Variants in KCNQ3 observed in about 807,000 individuals in gnomAD.
KCNQ3 encodes potassium voltage-gated channel subfamily Q member 3.
KCNQ3 carries 30 observed loss-of-function variants against 92.5 expected under a neutral mutation model. The ratio of observed to expected loss-of-function variants is 0.32; its 90% CI spans 0.24 to 0.44. The LOEUF is 0.44. Ranked by LOEUF, KCNQ3 falls within the 20% of genes least tolerant of loss-of-function variation. The probability of loss-of-function intolerance (pLI) is 1.00; values close to 1 mark genes in which losing one functional copy is unlikely to be tolerated. For synonymous variants in KCNQ3, 450 were observed against 468.8 expected, an observed-to-expected ratio of 0.96 and a Z score of 0.52; for missense variants, 913 against 1,140.3, an observed-to-expected ratio of 0.80 and a Z score of 2.87.
chr8:132,136,118 C>CAAAAA (rs67331428), intron 12 of KCNQ3, among the ~76,000 whole-genome samples: 424 of 39,826 alleles, frequency 0.011, no homozygotes, highest in Non-Finnish European at 0.012. Context: ...GACTCCATCT[C>CAAAAA]AAAAAAAAAA....
At chr8:132,451,671 G>T (rs1175566095) in intron 1 of KCNQ3, among the ~76,000 whole-genome samples, 6 of 152,218 alleles carry the variant, frequency 3.9e-5, no homozygotes, top group Non-Finnish European at 8.8e-5. Context: ...ATTCACACAG[G>T]ACTCCAACGC....
At chr8:132,184,502 GGA>G in intron 2 of KCNQ3, 135 bp from the exon 3 acceptor site, 15 of 917,044 alleles carry the variant, frequency 1.6e-5, no homozygotes, top group East Asian at 2.9e-5. Flanking sequence ...GGATGGCTGG[GGA>G]TGGGGGTGGG....
At chr8:132,344,684 T>G (rs183154734) in intron 1 of KCNQ3, among the ~76,000 whole-genome samples, 1 of 152,164 alleles carries the variant, frequency 6.6e-6, no homozygotes, top group East Asian at 1.9e-4. Flanking sequence ...TTTATATTCC[T>G]GGGAGAGATC....
chr8:132,194,603 T>G (rs1827253138), intron 1 of KCNQ3, among the ~76,000 whole-genome samples: 1 of 152,240 alleles, frequency 6.6e-6, no homozygotes, highest in East Asian at 1.9e-4. Flanking sequence ...CATTATTGAT[T>G]CGTGATGTCT....
chr8:132,443,118 G>A (rs1257931398), intron 1 of KCNQ3, among the ~76,000 whole-genome samples: 10 of 152,164 alleles, frequency 6.6e-5, no homozygotes, highest in South Asian at 2.1e-4. Flanking sequence ...CTAAGGCCCC[G>A]CTTGAGCATA....
intron 1 of KCNQ3, among the ~76,000 whole-genome samples, chr8:132,464,978 A>AT (rs1340785968): frequency 6.6e-6 from 1 of 152,180 alleles, no homozygotes; most frequent in African/African-American, 2.4e-5. Flanking sequence ...AAAGGATTAC[A>AT]TTTTTTCCAA....
At chr8:132,358,475 G>A (rs1011292631) in intron 1 of KCNQ3, among the ~76,000 whole-genome samples, 2 of 152,176 alleles carry the variant, frequency 1.3e-5, no homozygotes, top group Admixed American at 1.3e-4. Context: ...GGCTCATTGG[G>A]TAATGTTAGC....
intron 9 of KCNQ3, among the ~76,000 whole-genome samples, chr8:132,144,640 G>A (rs941399870): frequency 2.0e-5 from 3 of 152,164 alleles, no homozygotes; most frequent in Non-Finnish European, 2.9e-5. Flanking sequence ...TGGACAATAT[G>A]GCTCTTGTCC....
chr8:132,190,793 A>G (rs1283354506), intron 1 of KCNQ3, among the ~76,000 whole-genome samples: 1 of 152,248 alleles, frequency 6.6e-6, no homozygotes, highest in East Asian at 1.9e-4. Flanking sequence ...GTTATGCAGC[A>G]ATAGAAAACT....
At chr8:132,328,819 C>T (rs1421788160) in intron 1 of KCNQ3, among the ~76,000 whole-genome samples, 1 of 152,172 alleles carries the variant, frequency 6.6e-6, no homozygotes, top group Non-Finnish European at 1.5e-5. Flanking sequence ...TTTTTACCTG[C>T]TCCTTCCTAG....
chr8:132,234,637 A>G (rs959581806), intron 1 of KCNQ3, among the ~76,000 whole-genome samples: 5 of 152,190 alleles, frequency 3.3e-5, no homozygotes, highest in African/African-American at 1.2e-4. Context: ...TTTCACAACA[A>G]ACACACGAGG....
At chr8:132,277,870 CT>C (rs1334137007) in intron 1 of KCNQ3, 1 of 889,810 alleles carries the variant, frequency 1.1e-6, no homozygotes, top group Non-Finnish European at 1.3e-6. Context: ...AAGGTTTTTT[CT>C]TCTTTTTATA....
At chr8:132,413,112 T>C (rs1586997783) in intron 1 of KCNQ3, among the ~76,000 whole-genome samples, 4 of 152,342 alleles carry the variant, frequency 2.6e-5, no homozygotes, top group Admixed American at 2.6e-4. Flanking sequence ...CATTTCCAAG[T>C]TTCCTTTCTT....
chr8:132,189,617 G>T (rs577020817), intron 1 of KCNQ3, among the ~76,000 whole-genome samples: 1 of 151,980 alleles, frequency 6.6e-6, no homozygotes, highest in East Asian at 1.9e-4. Flanking sequence ...GCCTGAGGTC[G>T]GGAGTTCGAG....
At chr8:132,278,521 T>C (rs1816413742) in intron 1 of KCNQ3, among the ~76,000 whole-genome samples, 1 of 152,208 alleles carries the variant, frequency 6.6e-6, no homozygotes, top group Non-Finnish European at 1.5e-5. Flanking sequence ...AAGGGACCCT[T>C]GAGTCAGACC....
chr8:132,167,558 C>T (rs144321130), intron 8 of KCNQ3, among the ~76,000 whole-genome samples: 380 of 152,312 alleles, frequency 2.5e-3, no homozygotes, highest in Non-Finnish European at 3.8e-3. Context: ...ACTTCTTTGC[C>T]ATTAACATAC....
chr8:132,358,991 C>T (rs1819090384), intron 1 of KCNQ3, among the ~76,000 whole-genome samples: 1 of 152,204 alleles, frequency 6.6e-6, no homozygotes, highest in African/African-American at 2.4e-5. Context: ...TGCTGGAATT[C>T]TGCCTCCAAT....
chr8:132,160,148 A>AG (rs760463862), intron 9 of KCNQ3, among the ~76,000 whole-genome samples: 4 of 152,156 alleles, frequency 2.6e-5, no homozygotes, highest in South Asian at 2.1e-4. Flanking sequence ...GAAGTGAAGG[A>AG]GGGGGCTACA....
Position 132,383,584 on chromosome 8 carries a change from C to T in KCNQ3, c.386+96563G>A, listed in dbSNP as rs115634982. Among the ~76,000 whole-genome samples the T allele has an allele frequency of 2.8e-3, 429 of 152,256 alleles. 1 individual carries two copies. The highest frequency in any genetic ancestry group is 9.7e-3 in the African/African-American group (403 of 41,552). On this transcript the variant is annotated intron_variant, in intron 1 of 14. Coordinates refer to ENST00000388996, the MANE Select transcript of KCNQ3 (RefSeq NM_004519.4). ...TTAACAGACCTAGGCTGAGCCCCAG[C>T]GCCATATAACATCAACTGGGTCTAA...
Sources: gnomAD v4.1 joint callset for allele counts (sites outside exome capture counted in the v4.1 genomes callset) on GRCh38, gnomAD v4.1.1 for gene constraint, MANE v1.5 for transcripts, NCBI Gene and HGNC (gene_info 2026-07-23, HGNC 2026-07-21) for gene names.